Variants in SIM1 observed in about 807,000 individuals in gnomAD.
SIM1 encodes single-minded homolog 1.
In SIM1, 18 loss-of-function variants were observed where a neutral mutation model predicts 78.2. The ratio of observed to expected loss-of-function variants is 0.23; its 90% confidence interval spans 0.16 to 0.34. The LOEUF (loss-of-function observed/expected upper bound fraction) is 0.34, where lower values mean the gene tolerates loss of function less well. Among genes scored for constraint, SIM1 ranks in the 10% least tolerant of loss-of-function variants. The probability of loss-of-function intolerance (pLI) is 1.00; values close to 1 mark genes in which losing one functional copy is unlikely to be tolerated. For missense variants in SIM1, 939 were observed against 975.1 expected, an observed-to-expected ratio of 0.96 and a Z score of 0.49; for synonymous variants, 417 against 385.2, an observed-to-expected ratio of 1.08 and a Z score of -0.97.
chr6:100,428,739 C>T (rs1304794356), intron 9 of SIM1, among the ~76,000 whole-genome samples: 1 of 151,742 alleles, frequency 6.6e-6, no homozygotes, highest in Non-Finnish European at 1.5e-5. Flanking sequence ...AAACCCTATG[C>T]CTACATTATA....
intron 2 of SIM1, chr6:100,462,974 A>C (rs974629788): frequency 4.1e-6 from 1 of 243,270 alleles, no homozygotes; most frequent in African/African-American, 2.2e-5. Context: ...TAAAAAAGAA[A>C]GTCATGTTTG....
At chr6:100,425,024 G>A (rs928014189) in intron 9 of SIM1, among the ~76,000 whole-genome samples, 5 of 152,062 alleles carry the variant, frequency 3.3e-5, no homozygotes, top group African/African-American at 1.2e-4. Context: ...GAATTCCCAC[G>A]TGTTGTGGGA....
At chr6:100,419,879 T>A (rs987392406) in intron 10 of SIM1, among the ~76,000 whole-genome samples, 1 of 152,120 alleles carries the variant, frequency 6.6e-6, no homozygotes. Flanking sequence ...TGACCTCAAG[T>A]GATCCCCCAC....
In SIM1 at chr6:100,463,064, T is replaced by C. The variant is rs1582332867; in HGVS notation, c.175+230A>G. ...TTGGGCTGCTTCCCAACCAAACATATCTGATGGACTGAAGAGAAAGTATTG... is the reference window on the plus strand; with the variant it reads ...TTGGGCTGCTTCCCAACCAAACATACCTGATGGACTGAAGAGAAAGTATTG... On this transcript the variant is annotated intron_variant, in intron 2 of 11. Coordinates refer to ENST00000369208, the MANE Select transcript of SIM1 (RefSeq NM_005068.3). 2.2e-5 allele frequency: 10 copies of C among 450,110 alleles called. No homozygotes were observed. In the East Asian group the frequency reaches 3.2e-4, roughly 14 times the overall value. The allele number at this position is 450,110 out of a possible 1,614,324, so 27.9% of individuals were successfully genotyped here.
Position 100,448,132 on chromosome 6 carries a change from G to C in SIM1, c.850+14C>G. ...GCCAAGGTTGCTAGGGTACGGGGCA[G>C]GGTGGCGCCTTACGCAAATGGTGCG... On this transcript the variant is annotated intron_variant, in intron 8 of 11. Transcript: ENST00000369208. The C allele has an allele frequency of 6.2e-7, 1 of 1,602,768 alleles. No homozygotes were observed. Among genetic ancestry groups the C allele is most frequent in the Admixed American group, 1.7e-5 (1 of 59,710 alleles).
intron 10 of SIM1, among the ~76,000 whole-genome samples, chr6:100,416,727 A>C (rs1284153621): frequency 1.3e-5 from 2 of 152,202 alleles, no homozygotes; most frequent in Non-Finnish European, 2.9e-5. Context: ...TACTAAAAGT[A>C]AGCTTTAAAA....
intron 9 of SIM1, among the ~76,000 whole-genome samples, chr6:100,444,823 C>G (rs1482549167): frequency 6.6e-6 from 1 of 152,134 alleles, no homozygotes; most frequent in Non-Finnish European, 1.5e-5. Context: ...GTTGCCTCCA[C>G]CAAAACATCA....
At position 100,400,258 on chromosome 6, in the gene SIM1, T is replaced by A. The variant is rs117829162; in HGVS notation, c.1168-6369A>T. ...CTTAAAAAAAAAGAAAACCAATCAG[T>A]TAAATTGTATGGCTATATATCACTT... On this transcript the variant is annotated intron_variant, in intron 10 of 11. Coordinates refer to ENST00000369208, the MANE Select transcript of SIM1 (RefSeq NM_005068.3). Among the ~76,000 whole-genome samples the A allele has an allele frequency of 4.3e-4, 65 of 151,594 alleles. 1 individual carries two copies. In the East Asian group the frequency reaches 0.011, roughly 25 times the overall value.
intron 9 of SIM1, among the ~76,000 whole-genome samples, chr6:100,425,040 C>G (rs1444864298): frequency 6.6e-6 from 1 of 152,022 alleles, no homozygotes; most frequent in Non-Finnish European, 1.5e-5. Context: ...TGGGAGGGAC[C>G]CAGGGGGAGG....
At chr6:100,434,054 G>A (rs994130995) in intron 9 of SIM1, among the ~76,000 whole-genome samples, 13 of 152,178 alleles carry the variant, frequency 8.5e-5, no homozygotes, top group African/African-American at 2.9e-4. Flanking sequence ...CAACCAAGAA[G>A]AGACACAAAT....
chr6:100,401,325 G>A (rs1276954650), intron 10 of SIM1, among the ~76,000 whole-genome samples: 1 of 152,112 alleles, frequency 6.6e-6, no homozygotes, highest in African/African-American at 2.4e-5. Context: ...ATGCAATATA[G>A]ACTCTTGGAC....
chr6:100,393,898 G>T lies in SIM1; in HGVS notation c.1168-9C>A. On this transcript the variant is annotated splice_polypyrimidine_tract_variant and intron_variant, in intron 10 of 11. Transcript: ENST00000369208. ...GTGTGAAATCCCGAATACTGAAACC[G>T]AGTAGGGGAGAAAAGTCCATTTCAA... The T allele has an allele frequency of 6.5e-7, 1 of 1,526,914 alleles. No homozygotes were observed. The highest frequency in any genetic ancestry group is 1.3e-5 in the South Asian group (1 of 77,362). The allele number at this position is 1,526,914 out of a possible 1,614,324, so 94.6% of individuals were successfully genotyped here. A position where few individuals can be genotyped will look rare whatever the true frequency, so the allele number is the denominator to read the frequency against.
At chr6:100,428,681 A>C (rs974027386) in intron 9 of SIM1, among the ~76,000 whole-genome samples, 1 of 145,106 alleles carries the variant, frequency 6.9e-6, no homozygotes, top group South Asian at 2.1e-4. Flanking sequence ...TATCCGAGGG[A>C]GTACATTCTA....
chr6:100,462,173 C>G (rs1004450730), intron 2 of SIM1, among the ~76,000 whole-genome samples: 3 of 152,068 alleles, frequency 2.0e-5, no homozygotes, highest in Non-Finnish European at 4.4e-5. Context: ...AAACCACAAA[C>G]CCCAAACATC....
At position 100,450,255 on chromosome 6, in the gene SIM1, C is replaced by A. The variant is rs1166458499; in HGVS notation, c.348+12G>T. On this transcript the variant is annotated intron_variant, in intron 4 of 11. Transcript: ENST00000369208. ...AAACACTGCAGGTGGGATATGTGAA[C>A]CACTCACCTACCTGAGAAAGACCCA... 10 of 1,610,536 alleles carry A rather than the reference C, an allele frequency of 6.2e-6. No homozygotes were observed. In the East Asian group the frequency reaches 1.3e-4, roughly 22 times the overall value.
intron 9 of SIM1, among the ~76,000 whole-genome samples, chr6:100,438,892 T>C (rs1293918677): frequency 1.3e-5 from 2 of 152,144 alleles, no homozygotes; most frequent in Admixed American, 6.5e-5. Context: ...TTCTCAGTTA[T>C]AGGTAAGAGC....
Position 100,447,907 on chromosome 6 carries a change from CGG to C in SIM1, c.850+237_850+238del, listed in dbSNP as rs1009841100. On this transcript the variant is annotated intron_variant, in intron 8 of 11. Transcript: ENST00000369208. ...GAGAGTAATATACCTTCGCCGGGGG[CGG>C]GGGACGTATTTCGCCCAGAAATGCT... 1.7e-4 allele frequency among the ~76,000 whole-genome samples: 26 copies of C among 152,338 alleles called. No individual in the cohort carries two copies. In the Middle Eastern group the frequency reaches 0.01, roughly 60 times the overall value.
intron 10 of SIM1, among the ~76,000 whole-genome samples, chr6:100,399,263 A>G (rs1312258867): frequency 6.6e-6 from 1 of 152,130 alleles, no homozygotes; most frequent in Non-Finnish European, 1.5e-5. Context: ...ATATTACTCA[A>G]CAATAAAAAA....
chr6:100,390,271 A>AATCTGT lies in SIM1; in HGVS notation c.*84_*89dup, dbSNP rs1471909551. On this transcript the variant is annotated 3_prime_UTR_variant, in exon 12 of 12. Transcript: ENST00000369208. ...AGTAACTTAAGTTATACTCTCTAAC[A>AATCTGT]ATCTGTGGCATAGTAAATGCTGGTA... 1 of 1,401,508 alleles carries AATCTGT rather than the reference A, an allele frequency of 7.1e-7. No homozygotes were observed. The highest frequency in any genetic ancestry group is 1.4e-5 in the African/African-American group (1 of 69,378). The allele number at this position is 1,401,508 out of a possible 1,614,324, so 86.8% of individuals were successfully genotyped here.
Sources: gnomAD v4.1 joint callset for allele counts (sites outside exome capture counted in the v4.1 genomes callset) on GRCh38, gnomAD v4.1.1 for gene constraint, MANE v1.5 for transcripts, NCBI Gene and HGNC (gene_info 2026-07-23, HGNC 2026-07-21) for gene names.